The following IQSEC1 variants were observed in gnomAD, a reference collection of about 807,000 sequenced individuals.
IQSEC1 encodes the protein IQ motif and Sec7 domain ArfGEF 1, also known as IQ motif and SEC7 domain-containing protein 1.
In IQSEC1, 31 loss-of-function variants were observed where a neutral mutation model predicts 91.0. That is an observed-to-expected ratio of 0.34 (90% CI 0.26 to 0.46). The LOEUF (loss-of-function observed/expected upper bound fraction) is 0.46, where lower values mean the gene tolerates loss of function less well. Ranked by LOEUF, IQSEC1 falls within the 20% of genes least tolerant of loss-of-function variation. The pLI, the probability that IQSEC1 is intolerant of heterozygous loss-of-function variation, is 1.00. For synonymous variants in IQSEC1, 699 were observed against 662.6 expected (o/e 1.05, Z -0.84); for missense variants, 1,388 against 1,575.6 (o/e 0.88, Z 2.02).
At chr3:13,049,258 C>A (rs182241548) in intron 1 of IQSEC1, among the ~76,000 whole-genome samples, 1 of 152,160 alleles carries the variant, frequency 6.6e-6, no homozygotes, top group Admixed American at 6.5e-5. Flanking sequence ...CGATACGATG[C>A]GACGAAAATA....
intron 1 of IQSEC1, among the ~76,000 whole-genome samples, chr3:13,256,957 C>T (rs762837281): frequency 1.3e-5 from 2 of 152,180 alleles, no homozygotes; most frequent in Non-Finnish European, 2.9e-5. Flanking sequence ...AGCTCTGCCC[C>T]ATATCCCAGC....
At chr3:13,150,537 ACAC>A (rs1706978135) in intron 2 of IQSEC1, among the ~76,000 whole-genome samples, 1 of 152,234 alleles carries the variant, frequency 6.6e-6, no homozygotes, top group African/African-American at 2.4e-5. Flanking sequence ...AGGAGACAGC[ACAC>A]CACATTTCCA....
Position 12,935,763 on chromosome 3 carries a change from C to G in IQSEC1, c.1253G>C (p.Arg418Pro), listed in dbSNP as rs565538660. The G allele has an allele frequency of 1.2e-6, 2 of 1,608,438 alleles. No homozygotes were observed. The highest frequency in any genetic ancestry group is 1.1e-5 in the South Asian group (1 of 91,032). The change falls in exon 3 of 14, where the codon CGG (arginine) becomes CCG (proline). Residue 418 changes from arginine (R) to proline (P), a missense_variant. By Grantham distance (103) the Arg-to-Pro change is moderately radical (BLOSUM62 -2). Transcript: ENST00000613206. This position sits in a 1 kb window ranked among gnomAD's most constrained non-coding sequence, Gnocchi z 8.0. The stretch of plus-strand genomic sequence containing the variant: ...CCGGGGCCGCAACTCAGGCTCCTCC[C>G]GGGGGAGGCTCTTGGGGGCGCCGCT... ...PHSGAPKSLP[R>P]EEPELRPRPP...
intron 1 of IQSEC1, among the ~76,000 whole-genome samples, chr3:13,024,716 C>T (rs980790755): frequency 1.3e-5 from 2 of 151,962 alleles, no homozygotes; most frequent in African/African-American, 4.8e-5. Context: ...TCCATCCACC[C>T]ACCCATCCAC....
intron 1 of IQSEC1, among the ~76,000 whole-genome samples, chr3:13,209,163 C>T (rs900930612): frequency 9.2e-5 from 14 of 152,200 alleles, no homozygotes; most frequent in African/African-American, 2.7e-4. Flanking sequence ...TGTGGGCAGA[C>T]ACTGGACTCA....
At chr3:12,951,801 C>T (rs184635685) in intron 1 of IQSEC1, among the ~76,000 whole-genome samples, 7 of 152,060 alleles carry the variant, frequency 4.6e-5, no homozygotes, top group Non-Finnish European at 8.8e-5. Context: ...GGGGTGAGGT[C>T]GCAGCACCCC....
chr3:13,254,590 C>T (rs950201681), intron 1 of IQSEC1, among the ~76,000 whole-genome samples: 1 of 152,242 alleles, frequency 6.6e-6, no homozygotes, highest in African/African-American at 2.4e-5. Context: ...CAGCTCAAGC[C>T]CCCTTCGGTG....
At chr3:12,985,260 T>C (rs1701671837) in intron 1 of IQSEC1, among the ~76,000 whole-genome samples, 1 of 152,172 alleles carries the variant, frequency 6.6e-6, no homozygotes, top group African/African-American at 2.4e-5. Context: ...GCCCTCTCAC[T>C]GAGGCTGCCA....
At chr3:13,098,655 T>C (rs1706004644) in intron 2 of IQSEC1, among the ~76,000 whole-genome samples, 1 of 152,082 alleles carries the variant, frequency 6.6e-6, no homozygotes, top group Admixed American at 6.6e-5. Flanking sequence ...GGAAAATGGA[T>C]GGCTAAAAAT....
intron 12 of IQSEC1, among the ~76,000 whole-genome samples, chr3:12,907,264 G>A (rs1193049191): frequency 6.6e-6 from 1 of 152,126 alleles, no homozygotes; most frequent in Non-Finnish European, 1.5e-5. Flanking sequence ...CCAACTTAAA[G>A]GGCAGACTCC....
chr3:13,259,549 C>A lies in IQSEC1; in HGVS notation c.272+23162G>T, dbSNP rs965391161. Among the ~76,000 whole-genome samples, 1 of 152,234 alleles carries A rather than the reference C, an allele frequency of 6.6e-6. No individual in the cohort carries two copies. Among genetic ancestry groups the A allele is most frequent in the East Asian group, 1.9e-4 (1 of 5,206 alleles). ...AGCCGACTCCCCAAGGCCTTCGAGG[C>A]GGGCTGATGGATGCAGTGTTTAAGC... On this transcript the variant is annotated intron_variant, in intron 1 of 15. Transcript: ENST00000648114. This position sits in a 1 kb window ranked among gnomAD's most constrained non-coding sequence, Gnocchi z 4.6.
chr3:13,217,326 T>C (rs1049332527), intron 1 of IQSEC1, among the ~76,000 whole-genome samples: 1 of 152,234 alleles, frequency 6.6e-6, no homozygotes, highest in Non-Finnish European at 1.5e-5. Context: ...CTCTATGGGG[T>C]TGCCTTTTCA....
intron 2 of IQSEC1, among the ~76,000 whole-genome samples, chr3:13,084,374 C>A (rs969351480): frequency 1.3e-5 from 2 of 152,208 alleles, no homozygotes; most frequent in South Asian, 4.1e-4. Flanking sequence ...TCCGGATGCT[C>A]TTTCTGGCCT....
Position 13,128,876 on chromosome 3 carries a change from CAA to C in IQSEC1, c.302+35226_302+35227del, listed in dbSNP as rs34011478. 2.0e-3 allele frequency among the ~76,000 whole-genome samples: 179 copies of C among 87,460 alleles called. 2 individuals are homozygous for C. The East Asian group carries it at 0.037, about 18-fold the overall frequency. The allele number at this position is 87,460 out of a possible 152,430, so 57.4% of individuals were successfully genotyped here. A position where few individuals can be genotyped will look rare whatever the true frequency, so the allele number is the denominator to read the frequency against. ...CGGGTGACAGAGCAAGACTCTGTCT[CAA>C]AAAAAAAAAAAAAAAAAAAGAAATG... is the stretch of plus-strand genomic sequence containing the variant. On this transcript the variant is annotated intron_variant, in intron 2 of 15. Transcript: ENST00000648114.
chr3:13,137,498 C>T (rs1336156887), intron 2 of IQSEC1, among the ~76,000 whole-genome samples: 2 of 152,214 alleles, frequency 1.3e-5, no homozygotes, highest in Non-Finnish European at 2.9e-5. Flanking sequence ...ATCATCTCAA[C>T]ATCTGCAGTA....
chr3:12,991,376 G>T (rs528329386), intron 1 of IQSEC1, among the ~76,000 whole-genome samples: 2 of 152,320 alleles, frequency 1.3e-5, no homozygotes, highest in Admixed American at 1.3e-4. Flanking sequence ...CCACAAGCAG[G>T]TTTGCATCTC....
chr3:13,260,061 C>T (rs1695355402), intron 1 of IQSEC1, among the ~76,000 whole-genome samples: 1 of 152,196 alleles, frequency 6.6e-6, no homozygotes, highest in African/African-American at 2.4e-5. Flanking sequence ...AGGAAGCAGC[C>T]TTGGCTCACC....
intron 1 of IQSEC1, among the ~76,000 whole-genome samples, chr3:13,185,824 G>A (rs7634779): frequency 0.032 from 4,876 of 152,340 alleles, 255 homozygotes; most frequent in African/African-American, 0.11. Context: ...AGTGTCTGCA[G>A]AACTTCGGTG....
intron 1 of IQSEC1, among the ~76,000 whole-genome samples, chr3:13,012,148 C>T (rs2124917407): frequency 6.6e-6 from 1 of 152,312 alleles, no homozygotes; most frequent in Middle Eastern, 3.4e-3. Context: ...CTACCTTTCA[C>T]CCACATGCAG....
Sources: gnomAD v4.1 joint callset for allele counts (sites outside exome capture counted in the v4.1 genomes callset) on GRCh38, gnomAD v4.1.1 for gene constraint, Gnocchi (gnomAD v3.1) non-coding constraint, MANE v1.5 for transcripts, NCBI Gene and HGNC (gene_info 2026-07-23, HGNC 2026-07-21) for gene names.